Variants in TICAM1 observed in about 807,000 individuals in gnomAD.
The protein encoded by TICAM1 is TIR domain containing adaptor molecule 1.
For synonymous variants in TICAM1, 439 were observed against 415.4 expected, an observed-to-expected ratio of 1.06 and a Z score of -0.69; for missense variants, 895 against 938.2, an observed-to-expected ratio of 0.95 and a Z score of 0.60.
intron 1 of TICAM1, among the ~76,000 whole-genome samples, chr19:4,827,373 A>G (rs12974180): frequency 5.4e-4 from 15 of 27,954 alleles, no homozygotes; most frequent in Non-Finnish European, 8.6e-4. Context: ...CTCTGTCTCC[A>G]AAAAAAAAAA....
At chr19:4,830,437 T>G (rs892414517) in intron 1 of TICAM1, among the ~76,000 whole-genome samples, 7 of 152,102 alleles carry the variant, frequency 4.6e-5, no homozygotes, top group Non-Finnish European at 1.0e-4. Flanking sequence ...CAGGCTTGTC[T>G]TGAACTCCTG....
intron 1 of TICAM1, among the ~76,000 whole-genome samples, chr19:4,830,868 T>A (rs2093612663): frequency 6.6e-6 from 1 of 152,024 alleles, no homozygotes; most frequent in African/African-American, 2.4e-5. Flanking sequence ...GGAGGAAAGC[T>A]TCTGGAAGGT....
chr19:4,826,315 A>ATATT (rs61520321), intron 1 of TICAM1, among the ~76,000 whole-genome samples: 14 of 150,110 alleles, frequency 9.3e-5, no homozygotes, highest in Middle Eastern at 7.1e-3. Flanking sequence ...ATATATATAT[A>ATATT]TATTTATTTA....
chr19:4,817,758 A>C lies in TICAM1; in HGVS notation c.620T>G (p.Leu207Trp). 6.2e-7 allele frequency: 1 copy of C among 1,602,052 alleles called. No homozygotes were observed. The highest frequency in any genetic ancestry group is 1.1e-5 in the South Asian group (1 of 90,348). Residue 207 changes from leucine (L) to tryptophan (W), a missense_variant, in exon 2 of 2, where the codon TTG becomes TGG. By Grantham distance (61) the Leu-to-Trp change is moderately conservative. Transcript: ENST00000248244. This position sits in a 1 kb window ranked among gnomAD's most constrained non-coding sequence, Gnocchi z 4.7. Reference sequence around the variant, plus strand: ...CATGGTAGGGGACTGGCTGATTTCCAAGTTGCTGGCCAGGGAGGCAGGGCT... The same window carrying C: ...CATGGTAGGGGACTGGCTGATTTCCCAGTTGCTGGCCAGGGAGGCAGGGCT... ...TGSPASLASN[L>W]EISQSPTMPF...
Position 4,816,384 on chromosome 19 carries a change from G to A in TICAM1, c.1994C>T (p.Thr665Met), listed in dbSNP as rs779499603. Residue 665 changes from threonine to methionine, a missense_variant, in exon 2 of 2, where the codon ACG becomes ATG. Physicochemically the swap from Thr to Met is moderately conservative, Grantham distance 81. Coordinates refer to ENST00000248244, the MANE Select transcript of TICAM1 (RefSeq NM_182919.4). This position sits in a 1 kb window ranked among gnomAD's most constrained non-coding sequence, Gnocchi z 4.3. ...LPFPQSPAFP[T>M]ASPAPPQSPG... ...GCTCTGAGGGGGTGCGGGTGAGGCC[G>A]TAGGGAAGGCTGGGGACTGCGGGAA... 5.0e-6 allele frequency: 8 copies of A among 1,586,572 alleles called. No homozygotes were observed. Among genetic ancestry groups the A allele is most frequent in the South Asian group, 1.2e-5 (1 of 86,842 alleles).
Position 4,817,712 on chromosome 19 carries a change from G to A in TICAM1, c.666C>T (p.Arg222=). ...AGAGCTTGCTGGGCCCATGTGGGCTGCGGTGCAGGCTGAGGAAGGGCATGG... is the reference window on the plus strand; with the variant it reads ...AGAGCTTGCTGGGCCCATGTGGGCTACGGTGCAGGCTGAGGAAGGGCATGG... ...SPTMPFLSLH[R]SPHGPSKLCD... Residue 222 remains arginine, a synonymous_variant, in exon 2 of 2, where the codon CGC becomes CGT. Coordinates refer to ENST00000248244, the MANE Select transcript of TICAM1 (RefSeq NM_182919.4). The surrounding 1 kb of genome is among the most constrained non-coding windows in gnomAD (Gnocchi z 4.7). 1.3e-6 allele frequency: 2 copies of A among 1,597,646 alleles called. No homozygotes were observed. The highest frequency in any genetic ancestry group is 1.7e-5 in the Admixed American group (1 of 58,926).
In TICAM1 at chr19:4,816,729, C is replaced by T. The variant is rs1211446763; in HGVS notation, c.1649G>A (p.Arg550Gln). 1.9e-6 allele frequency: 3 copies of T among 1,613,850 alleles called. No individual in the cohort carries two copies. The highest frequency in any genetic ancestry group is 4.5e-5 in the East Asian group (2 of 44,890). ...ACCGTCCAGGTGTTGGCTCTGTTCCCGCAGGGCTCGGGTGTCCTGTTCCTT... is the reference window on the plus strand; with the variant it reads ...ACCGTCCAGGTGTTGGCTCTGTTCCTGCAGGGCTCGGGTGTCCTGTTCCTT... ...WRKEQDTRALREQSQHLDGER... is the reference protein window; with the variant it reads ...WRKEQDTRALQEQSQHLDGER... The change falls in exon 2 of 2, where the codon CGG (arginine) becomes CAG (glutamine). Residue 550 changes from arginine to glutamine, a missense_variant. Physicochemically the swap from Arg to Gln is conservative, Grantham distance 43. Coordinates refer to ENST00000248244, the MANE Select transcript of TICAM1 (RefSeq NM_182919.4). This position sits in a 1 kb window ranked among gnomAD's most constrained non-coding sequence, Gnocchi z 4.3.
chr19:4,817,939 C>G lies in TICAM1; in HGVS notation c.439G>C (p.Asp147His). The G allele has an allele frequency of 3.1e-6, 5 of 1,613,898 alleles. No homozygotes were observed. Among genetic ancestry groups the G allele is most frequent in the Non-Finnish European group, 4.2e-6 (5 of 1,180,004 alleles). ...ATGCTCCCTGGATCCCCAGCAATGT[C>G]CCACCCACACCGGTTTCGGGCCTCA... ...QDEARNRCGW[D>H]IAGDPGSIRT... is the part of the protein sequence containing the mutation. The change falls in exon 2 of 2, where the codon GAC becomes CAC. Residue 147 changes from aspartate to histidine, a missense_variant. Physicochemically the swap from Asp to His is moderately conservative, Grantham distance 81 (BLOSUM62 -1). Coordinates refer to ENST00000248244, the MANE Select transcript of TICAM1 (RefSeq NM_182919.4). The surrounding 1 kb of genome is among the most constrained non-coding windows in gnomAD (Gnocchi z 4.7).
In TICAM1 at chr19:4,816,419, C is replaced by T. The variant is rs759001090; in HGVS notation, c.1959G>A (p.Gln653=). Residue 653 remains glutamine, a synonymous_variant, in exon 2 of 2, where the codon CAG becomes CAA. Transcript: ENST00000248244. This position sits in a 1 kb window ranked among gnomAD's most constrained non-coding sequence, Gnocchi z 4.3. ...CTGGGGACTGCGGGAAGGGCAGTGA[C>T]TGTGGAAAGGCTGCTGGCTGTGGGG... ...PPSPQPAAFP[Q]SLPFPQSPAF... is the part of the protein sequence containing the mutation. The T allele has an allele frequency of 1.3e-6, 2 of 1,563,210 alleles. No homozygotes were observed. The highest frequency in any genetic ancestry group is 1.7e-6 in the Non-Finnish European group (2 of 1,156,730).
intron 1 of TICAM1, among the ~76,000 whole-genome samples, chr19:4,822,567 A>G (rs1339704714): frequency 6.6e-6 from 1 of 152,144 alleles, no homozygotes; most frequent in Non-Finnish European, 1.5e-5. Context: ...ATAAAGTTTT[A>G]TTGCAACACA....
At chr19:4,828,677 G>A (rs2093609355) in intron 1 of TICAM1, among the ~76,000 whole-genome samples, 1 of 150,768 alleles carries the variant, frequency 6.6e-6, no homozygotes, top group Admixed American at 6.7e-5. Flanking sequence ...GGGATTACAG[G>A]AGCCTGCCAC....
chr19:4,818,922 C>T lies in TICAM1; in HGVS notation c.-139-406G>A, dbSNP rs927871665. Among the ~76,000 whole-genome samples, 6 of 152,088 alleles carry T rather than the reference C, an allele frequency of 3.9e-5. No individual in the cohort carries two copies. Among genetic ancestry groups the T allele is most frequent in the Non-Finnish European group, 7.4e-5 (5 of 68,014 alleles). On this transcript the variant is annotated intron_variant, in intron 1 of 1. Coordinates refer to ENST00000248244, the MANE Select transcript of TICAM1 (RefSeq NM_182919.4). This position sits in a 1 kb window ranked among gnomAD's most constrained non-coding sequence, Gnocchi z 4.0. Reference sequence around the variant, plus strand: ...GTCAGGAGTTCGAGACCAGCCTGGCCAACATGGTGAAACCCCGTTTCTACT... The same window carrying T: ...GTCAGGAGTTCGAGACCAGCCTGGCTAACATGGTGAAACCCCGTTTCTACT...
At position 4,817,276 on chromosome 19, in the gene TICAM1, A is replaced by AAGGAGG. The variant is rs11466722; in HGVS notation, c.1096_1101dup (p.Pro366_Pro367dup). ...AGGTGAGCTGAACAAGGAGTAGATG[A>AAGGAGG]AGGAGGAGGAGGAGGAGGAGGAGGG... On this transcript the variant is annotated inframe_insertion, in exon 2 of 2. Coordinates refer to ENST00000248244, the MANE Select transcript of TICAM1 (RefSeq NM_182919.4). This position sits in a 1 kb window ranked among gnomAD's most constrained non-coding sequence, Gnocchi z 4.7. 207 of 1,603,262 alleles carry AAGGAGG rather than the reference A, an allele frequency of 1.3e-4. No individual in the cohort carries two copies. The Middle Eastern group carries it at 2.0e-3, about 16-fold the overall frequency.
intron 1 of TICAM1, among the ~76,000 whole-genome samples, chr19:4,823,507 C>T (rs146795208): frequency 0.012 from 1,787 of 150,076 alleles, 19 homozygotes; most frequent in Non-Finnish European, 0.018. Flanking sequence ...TGGTGGCATG[C>T]GCCTGAAATC....
intron 1 of TICAM1, among the ~76,000 whole-genome samples, chr19:4,825,852 G>A (rs991958477): frequency 6.6e-6 from 1 of 151,938 alleles, no homozygotes; most frequent in Non-Finnish European, 1.5e-5. Context: ...CCAGCTACTC[G>A]GGAGGCTGAG....
intron 1 of TICAM1, among the ~76,000 whole-genome samples, chr19:4,826,691 G>T (rs1409464497): frequency 6.6e-6 from 1 of 152,124 alleles, no homozygotes; most frequent in Non-Finnish European, 1.5e-5. Flanking sequence ...AGTAATATTG[G>T]AGTATGGCCC....
chr19:4,821,030 TA>T (rs373375585), intron 1 of TICAM1, among the ~76,000 whole-genome samples: 105 of 140,498 alleles, frequency 7.5e-4, no homozygotes, highest in East Asian at 3.8e-3. Context: ...CCGTCTCTAG[TA>T]AAAAAAAAAA....
rs1294196232 is a variant in TICAM1, at chr19:4,818,647, G to A, written c.-139-131C>T. 5 of 448,356 alleles carry A rather than the reference G, an allele frequency of 1.1e-5. No homozygotes were observed. The highest frequency in any genetic ancestry group is 8.8e-5 in the South Asian group (2 of 22,836). The allele number at this position is 448,356 out of a possible 1,614,324, so 27.8% of individuals were successfully genotyped here. ...GCCAGGTGACCTTCGGCAACACGTC[G>A]CCTCCTTCAACTTCCATTTCTTCCT... On this transcript the variant is annotated intron_variant, in intron 1 of 1. Coordinates refer to ENST00000248244, the MANE Select transcript of TICAM1 (RefSeq NM_182919.4). This position sits in a 1 kb window ranked among gnomAD's most constrained non-coding sequence, Gnocchi z 4.0.
Position 4,817,257 on chromosome 19 carries a change from G to A in TICAM1, c.1121C>T (p.Ala374Val), listed in dbSNP as rs200885543. The change falls in exon 2 of 2, where the codon GCT becomes GTT. Residue 374 changes from alanine to valine, a missense_variant. Coordinates refer to ENST00000248244, the MANE Select transcript of TICAM1 (RefSeq NM_182919.4). The surrounding 1 kb of genome is among the most constrained non-coding windows in gnomAD (Gnocchi z 4.7). ...GAACAGGGAGGAGGGGGTCAGGTGA[G>A]CTGAACAAGGAGTAGATGAAGGAGG... The part of the protein sequence containing the change: ...PPPPSSTPCS[A>V]HLTPSSLFPS... 62 of 1,613,090 alleles carry A rather than the reference G, an allele frequency of 3.8e-5. No homozygotes were observed. Among genetic ancestry groups the A allele is most frequent in the Non-Finnish European group, 1.7e-6 (2 of 1,179,762 alleles).
Sources: allele counts gnomAD v4.1 joint callset (sites outside exome capture counted in the v4.1 genomes callset), GRCh38; gene constraint gnomAD v4.1.1; non-coding constraint Gnocchi (gnomAD v3.1); transcripts MANE v1.5; gene names NCBI Gene and HGNC (gene_info 2026-07-23, HGNC 2026-07-21).